PITPNC1: variants seen among roughly 807,000 people sequenced by gnomAD.
PITPNC1 encodes cytoplasmic phosphatidylinositol transfer protein 1.
A neutral mutation model predicts 44.7 loss-of-function variants in PITPNC1; 18 were observed. The ratio of observed to expected loss-of-function variants is 0.40; its 90% CI spans 0.28 to 0.60. The LOEUF (loss-of-function observed/expected upper bound fraction) is 0.60. Among genes scored for constraint, PITPNC1 ranks in the 20% least tolerant of loss-of-function variants. The pLI, the probability that PITPNC1 is intolerant of heterozygous loss-of-function variation, is 0.39. For synonymous variants in PITPNC1, 141 were observed against 149.6 expected (o/e 0.94, Z 0.42); for missense variants, 290 against 418.4 (o/e 0.69, Z 2.68).
intron 1 of PITPNC1, among the ~76,000 whole-genome samples, chr17:67,478,550 T>A (rs1598723827): frequency 6.6e-6 from 1 of 152,086 alleles, no homozygotes; most frequent in Non-Finnish European, 1.5e-5. Context: ...ATTTCTCCTC[T>A]TTTCCAAGCT....
rs942378814 is a variant in PITPNC1, at chr17:67,442,657, A to G, written c.48+64455A>G. ...CAGGAGTTTGAGACCAGCCTGGCCA[A>G]CGTGGCAAAACCCTGTCTCTACCAA... On this transcript the variant is annotated intron_variant, in intron 1 of 8. Transcript: ENST00000581322. Among the ~76,000 whole-genome samples, 4 of 151,788 alleles carry G rather than the reference A, an allele frequency of 2.6e-5. No individual in the cohort carries two copies. The South Asian group carries it at 8.3e-4, about 31-fold the overall frequency.
chr17:67,471,948 G>GT (rs1472269223), intron 1 of PITPNC1, among the ~76,000 whole-genome samples: 3 of 151,756 alleles, frequency 2.0e-5, no homozygotes, highest in Non-Finnish European at 4.4e-5. Context: ...GTCTCTCCTT[G>GT]TTTTTTTATG....
chr17:67,473,569 C>T (rs941495620), intron 1 of PITPNC1, among the ~76,000 whole-genome samples: 1 of 152,088 alleles, frequency 6.6e-6, no homozygotes, highest in African/African-American at 2.4e-5. Context: ...TCCCAAAGTG[C>T]TGGGATTACA....
intron 7 of PITPNC1, among the ~76,000 whole-genome samples, chr17:67,670,607 G>A (rs922965409): frequency 5.9e-5 from 9 of 151,594 alleles, no homozygotes; most frequent in South Asian, 4.2e-4. Context: ...AAAATTAGCC[G>A]GGTGTGGTGG....
chr17:67,497,393 T>A (rs2039967580), intron 1 of PITPNC1, among the ~76,000 whole-genome samples: 1 of 151,932 alleles, frequency 6.6e-6, no homozygotes, highest in Non-Finnish European at 1.5e-5. Context: ...TTATAGGTAC[T>A]GTATTCTTTG....
chr17:67,462,892 G>T (rs2143978115), intron 1 of PITPNC1, among the ~76,000 whole-genome samples: 1 of 152,110 alleles, frequency 6.6e-6, no homozygotes. Context: ...AGTAGAGGCG[G>T]GGTTTCTGCA....
chr17:67,473,477 C>T lies in PITPNC1; in HGVS notation c.49-59325C>T, dbSNP rs191882266. On this transcript the variant is annotated intron_variant, in intron 1 of 8. Transcript: ENST00000581322. ...CCGAGTAGCTGGGACTACAGGCGCC[C>T]GCCACTACATCCGGCTAATTTTTTT... is the stretch of plus-strand genomic sequence containing the variant. Among the ~76,000 whole-genome samples, 4 of 152,110 alleles carry T rather than the reference C, an allele frequency of 2.6e-5. No individual in the cohort carries two copies. In the South Asian group the frequency reaches 6.2e-4, roughly 24 times the overall value.
intron 1 of PITPNC1, among the ~76,000 whole-genome samples, chr17:67,487,221 C>T (rs912624167): frequency 6.6e-6 from 1 of 152,080 alleles, no homozygotes. Flanking sequence ...GTCACCCAGG[C>T]GGAAGTGTAG....
chr17:67,614,965 T>G (rs79245662), intron 5 of PITPNC1, among the ~76,000 whole-genome samples: 2,943 of 149,350 alleles, frequency 0.02, 98 homozygotes, highest in African/African-American at 0.069. Context: ...TGGGGAAAAA[T>G]AGAAACAACA....
intron 1 of PITPNC1, among the ~76,000 whole-genome samples, chr17:67,416,540 T>C (rs1450429723): frequency 2.6e-5 from 4 of 151,954 alleles, no homozygotes; most frequent in Admixed American, 2.6e-4. Flanking sequence ...TTATTTACAA[T>C]GGAGCATTGT....
intron 1 of PITPNC1, among the ~76,000 whole-genome samples, chr17:67,517,527 G>T (rs2040274131): frequency 6.6e-6 from 1 of 152,164 alleles, no homozygotes; most frequent in African/African-American, 2.4e-5. Context: ...TCCATCAACT[G>T]ATGAAGGGAT....
At chr17:67,385,157 T>C (rs936075603) in intron 1 of PITPNC1, among the ~76,000 whole-genome samples, 1 of 152,174 alleles carries the variant, frequency 6.6e-6, no homozygotes, top group Non-Finnish European at 1.5e-5. Context: ...TTTTCTGTCT[T>C]ACAAGAGGAT....
chr17:67,425,262 CAG>C lies in PITPNC1; in HGVS notation c.48+47063_48+47064del, dbSNP rs1555649743. Among the ~76,000 whole-genome samples, 821 of 116,328 alleles carry C rather than the reference CAG, an allele frequency of 7.1e-3. 17 individuals carry two copies. Among genetic ancestry groups the C allele is most frequent in the Middle Eastern group, 0.011 (2 of 186 alleles). 76.3% of individuals were successfully genotyped at this position (116,328 alleles called of 152,430 possible). On this transcript the variant is annotated intron_variant, in intron 1 of 8. Transcript: ENST00000581322. ...ACACACACACACACACACACACACA[CAG>C]AGGGAGAGAGAGAGAGAAATGACCT...
intron 5 of PITPNC1, among the ~76,000 whole-genome samples, chr17:67,623,109 C>CAAAAAACAA (rs2041854116): frequency 1.2e-5 from 1 of 85,292 alleles, no homozygotes. Flanking sequence ...TCCCAAAAGC[C>CAAAAAACAA]AAAAAAAAAA....
chr17:67,470,430 G>A (rs1233746579), intron 1 of PITPNC1, among the ~76,000 whole-genome samples: 1 of 152,184 alleles, frequency 6.6e-6, no homozygotes, highest in African/African-American at 2.4e-5. Flanking sequence ...TTCCTAACAA[G>A]CACTGATCTG....
chr17:67,673,746 C>T (rs1384324285), intron 7 of PITPNC1, among the ~76,000 whole-genome samples: 5 of 151,466 alleles, frequency 3.3e-5, no homozygotes, highest in African/African-American at 7.3e-5. Flanking sequence ...ATCAGGGGTT[C>T]GAGACCAGCC....
chr17:67,426,163 A>G (rs1458003635), intron 1 of PITPNC1, among the ~76,000 whole-genome samples: 2 of 152,210 alleles, frequency 1.3e-5, no homozygotes, highest in African/African-American at 4.8e-5. Flanking sequence ...GTTGGTGGGA[A>G]GGTAAATTCG....
At chr17:67,385,502 G>C (rs904430458) in intron 1 of PITPNC1, among the ~76,000 whole-genome samples, 1 of 148,298 alleles carries the variant, frequency 6.7e-6, no homozygotes, top group Non-Finnish European at 1.5e-5. Context: ...CTCCCCCCAG[G>C]CACCTTCCAG....
At chr17:67,572,412 T>C (rs1470836717) in intron 4 of PITPNC1, among the ~76,000 whole-genome samples, 1 of 140,938 alleles carries the variant, frequency 7.1e-6, no homozygotes, top group African/African-American at 2.7e-5. Context: ...GAAAGCATTA[T>C]TTGAGCAAAC....
Sources: gnomAD v4.1 joint callset for allele counts (sites outside exome capture counted in the v4.1 genomes callset) on GRCh38, gnomAD v4.1.1 for gene constraint, MANE v1.5 for transcripts, NCBI Gene and HGNC (gene_info 2026-07-23, HGNC 2026-07-21) for gene names.